AMDHD1: variants seen among roughly 807,000 people sequenced by gnomAD.
AMDHD1 encodes the protein amidohydrolase domain containing 1.
AMDHD1 carries 45 observed loss-of-function variants against 44.1 expected under a neutral mutation model. That is an observed-to-expected ratio of 1.02 (90% CI 0.80 to 1.31). The LOEUF is 1.31. Among genes scored for constraint, AMDHD1 ranks in the 50% most tolerant of loss-of-function variants. AMDHD1 has a pLI of 0.00. For missense variants in AMDHD1, 586 were observed against 552.1 expected, an observed-to-expected ratio of 1.06 and a Z score of -0.61; for synonymous variants, 206 against 205.0, an observed-to-expected ratio of 1.00 and a Z score of -0.04.
chr12:95,957,548 G>A (rs1258635171), intron 4 of AMDHD1, among the ~76,000 whole-genome samples: 1 of 152,036 alleles, frequency 6.6e-6, no homozygotes, highest in Non-Finnish European at 1.5e-5. Flanking sequence ...TTCTAAATAG[G>A]AAGGCTCATG....
At position 95,943,451 on chromosome 12, in the gene AMDHD1, T is replaced by C; in HGVS notation, c.53T>C (p.Val18Ala). Residue 18 changes from valine (V) to alanine (A), a missense_variant, in exon 1 of 9, where the codon GTG becomes GCG. Physicochemically the swap from Val to Ala is moderately conservative, Grantham distance 64 (BLOSUM62 0). Coordinates refer to ENST00000266736, the MANE Select transcript of AMDHD1 (RefSeq NM_152435.3). Reference protein sequence around the residue: ...LLENAQQVVLVCARGERFLAR... With the variant: ...LLENAQQVVLACARGERFLAR... ...GAGAACGCGCAGCAAGTGGTGCTGG[T>C]GTGCGCCCGCGGCGAGCGCTTCCTG... 6.6e-7 allele frequency: 1 copy of C among 1,505,588 alleles called. No homozygotes were observed. Among genetic ancestry groups the C allele is most frequent in the Non-Finnish European group, 8.8e-7 (1 of 1,132,396 alleles). 93.3% of individuals were successfully genotyped at this position (1,505,588 alleles called of 1,614,324 possible). A position where few individuals can be genotyped will look rare whatever the true frequency, so the allele number is the denominator to read the frequency against.
In AMDHD1 at chr12:95,956,731, T is replaced by A; in HGVS notation, c.356T>A (p.Ile119Asn). 6.2e-7 allele frequency: 1 copy of A among 1,614,148 alleles called. No individual in the cohort carries two copies. The highest frequency in any genetic ancestry group is 8.5e-7 in the Non-Finnish European group (1 of 1,180,036). Residue 119 changes from isoleucine to asparagine, a missense_variant, in exon 4 of 9, where the codon ATC (isoleucine) becomes AAC (asparagine). By Grantham distance (149) the Ile-to-Asn change is moderately radical (BLOSUM62 -3). Coordinates refer to ENST00000266736, the MANE Select transcript of AMDHD1 (RefSeq NM_152435.3). ...GAAATTCACCAGGCCGGAGGAGGGATCCACTTTACCGTGGAGCGCACGCGC... is the reference window on the plus strand; with the variant it reads ...GAAATTCACCAGGCCGGAGGAGGGAACCACTTTACCGTGGAGCGCACGCGC... ...YMEIHQAGGGIHFTVERTRQA... is the reference protein window; with the variant it reads ...YMEIHQAGGGNHFTVERTRQA...
chr12:95,956,977 TG>T lies in AMDHD1; in HGVS notation c.587+20del, dbSNP rs775224525. 1.9e-6 allele frequency: 3 copies of T among 1,611,314 alleles called. No homozygotes were observed. On this transcript the variant is annotated intron_variant, in intron 4 of 8. Transcript: ENST00000266736. ...TCAGTGCCTAAGTAATCTCAGCCAGTGGGGGCCCGGGTTTAACTCAGAGCAT... is the reference window on the plus strand; with the variant it reads ...TCAGTGCCTAAGTAATCTCAGCCAGTGGGGCCCGGGTTTAACTCAGAGCAT...
At chr12:95,945,007 G>A (rs377155422) in intron 1 of AMDHD1, among the ~76,000 whole-genome samples, 6 of 152,084 alleles carry the variant, frequency 3.9e-5, no homozygotes, top group East Asian at 3.9e-4. Context: ...GGCGGCGCAC[G>A]TCTGTAATCC....
intron 6 of AMDHD1, among the ~76,000 whole-genome samples, chr12:95,964,714 T>A (rs7963056): frequency 0.66 from 100,898 of 151,832 alleles, 33,756 homozygotes; most frequent in African/African-American, 0.74. Context: ...CTATTGCAGC[T>A]GTTATTCCCA....
chr12:95,953,427 T>A (rs1418748872), intron 2 of AMDHD1, among the ~76,000 whole-genome samples: 1 of 152,238 alleles, frequency 6.6e-6, no homozygotes, highest in East Asian at 1.9e-4. Flanking sequence ...TCCTACATTA[T>A]GTTGTATGGC....
chr12:95,965,365 A>C (rs1039615514), intron 6 of AMDHD1, among the ~76,000 whole-genome samples: 4 of 152,016 alleles, frequency 2.6e-5, no homozygotes, highest in African/African-American at 9.7e-5. Context: ...AGTCACCAAA[A>C]AGCTTATTAA....
At chr12:95,943,583 C>CCG in intron 1 of AMDHD1, 48 bp downstream of exon 1, 2 of 1,403,044 alleles carry the variant, frequency 1.4e-6, no homozygotes, top group Non-Finnish European at 1.8e-6. Flanking sequence ...GCGGAGCTGG[C>CCG]CGCTCTTCCT....
chr12:95,967,690 G>A, intron 8 of AMDHD1, 66 bp from the exon 9 acceptor site: 3 of 1,229,614 alleles, frequency 2.4e-6, no homozygotes, highest in African/African-American at 1.6e-5. Context: ...AGCATTTATT[G>A]ATAAAGTAAT....
chr12:95,956,815 G>A lies in AMDHD1; in HGVS notation c.440G>A (p.Arg147Lys), dbSNP rs779518192. The A allele has an allele frequency of 1.2e-6, 2 of 1,614,230 alleles. No homozygotes were observed. The highest frequency in any genetic ancestry group is 1.7e-5 in the Admixed American group (1 of 60,030). The change falls in exon 4 of 9, where the codon AGG (arginine) becomes AAG (lysine). Residue 147 changes from arginine (R) to lysine (K), a missense_variant. By Grantham distance (26) the Arg-to-Lys change is conservative. Transcript: ENST00000266736. ...CAGCAACGGCTCCAGTGCATGATGA[G>A]GGCTGGCACCACGCTGGTGGAGTGC... ...SLQQRLQCMM[R>K]AGTTLVECKS...
intron 6 of AMDHD1, 61 bp from the exon 7 acceptor site, chr12:95,965,625 G>A: frequency 1.8e-6 from 2 of 1,137,804 alleles, no homozygotes; most frequent in African/African-American, 1.5e-5. Context: ...CTTCTGTTCT[G>A]AACAGCTATT....
chr12:95,945,522 C>A (rs2080491400), intron 1 of AMDHD1, among the ~76,000 whole-genome samples: 1 of 152,308 alleles, frequency 6.6e-6, no homozygotes, highest in Non-Finnish European at 1.5e-5. Flanking sequence ...ATATCTCCCA[C>A]CTCATTATCT....
chr12:95,960,515 A>G lies in AMDHD1; in HGVS notation c.705A>G (p.Lys235=). ...ACAATATAGACGTATTTTGTGAGAA[A>G]GGTGTCTTTGATCTCGATTCCACCA... ...HVDNIDVFCE[K]GVFDLDSTRR... The change falls in exon 5 of 9, where the codon AAA becomes AAG. Residue 235 remains lysine, a synonymous_variant. Coordinates refer to ENST00000266736, the MANE Select transcript of AMDHD1 (RefSeq NM_152435.3). 1 of 1,614,228 alleles carries G rather than the reference A, an allele frequency of 6.2e-7. No individual in the cohort carries two copies. Among genetic ancestry groups the G allele is most frequent in the Non-Finnish European group, 8.5e-7 (1 of 1,180,034 alleles).
intron 5 of AMDHD1, among the ~76,000 whole-genome samples, chr12:95,960,910 G>A (rs974467872): frequency 6.6e-6 from 1 of 152,166 alleles, no homozygotes; most frequent in African/African-American, 2.4e-5. Context: ...CCAGCACTTT[G>A]GGAGGCCGAG....
chr12:95,966,467 A>G lies in AMDHD1; in HGVS notation c.1152A>G (p.Glu384=). The change falls in exon 8 of 9, where the codon GAA becomes GAG. Residue 384 remains glutamate (E), a synonymous_variant. Transcript: ENST00000266736. ...AGTCTCACACACACGGATCGTTGGA[A>G]GTTGGCAAACAGGGAGATCTCATTA... The part of the protein sequence containing the change: ...LGKSHTHGSL[E]VGKQGDLIII... 1 of 1,614,262 alleles carries G rather than the reference A, an allele frequency of 6.2e-7. No homozygotes were observed. The highest frequency in any genetic ancestry group is 8.5e-7 in the Non-Finnish European group (1 of 1,180,042).
At position 95,967,976 on chromosome 12, in the gene AMDHD1, A is replaced by G. The variant is rs2080620884; in HGVS notation, c.*133A>G. 7 of 628,888 alleles carry G rather than the reference A, an allele frequency of 1.1e-5. No homozygotes were observed. The highest frequency in any genetic ancestry group is 5.8e-5 in the African/African-American group (3 of 51,904). 39.0% of individuals were successfully genotyped at this position (628,888 alleles called of 1,614,324 possible). Reference sequence around the variant, plus strand: ...ATGTACTTCAATGTCTTTTTAAGTCACTCAAAAAACCCAAGGGATAGATTT... The same window carrying G: ...ATGTACTTCAATGTCTTTTTAAGTCGCTCAAAAAACCCAAGGGATAGATTT... On this transcript the variant is annotated 3_prime_UTR_variant, in exon 9 of 9. Transcript: ENST00000266736.
intron 1 of AMDHD1, among the ~76,000 whole-genome samples, chr12:95,947,965 G>A (rs1328169758): frequency 4.1e-3 from 452 of 110,400 alleles, no homozygotes; most frequent in Admixed American, 4.7e-3. Flanking sequence ...CGCCCGGCCA[G>A]CCGCCCTGTC....
chr12:95,946,072 T>TGTGC (rs1206786802), intron 1 of AMDHD1, among the ~76,000 whole-genome samples: 11 of 151,816 alleles, frequency 7.2e-5, no homozygotes, highest in African/African-American at 2.4e-4. Flanking sequence ...TGTGTGTGTG[T>TGTGC]GTGTGTGTGT....
chr12:95,965,209 G>T (rs2080603595), intron 6 of AMDHD1, among the ~76,000 whole-genome samples: 1 of 147,294 alleles, frequency 6.8e-6, no homozygotes, highest in Admixed American at 7.0e-5. Flanking sequence ...TGAGGCAGGA[G>T]AATCGCTTGA....
Sources: allele counts gnomAD v4.1 joint callset (sites outside exome capture counted in the v4.1 genomes callset), GRCh38; gene constraint gnomAD v4.1.1; transcripts MANE v1.5; gene names NCBI Gene and HGNC (gene_info 2026-07-23, HGNC 2026-07-21).